PCDH11Y: variants seen among roughly 807,000 people sequenced by gnomAD.
PCDH11Y encodes protocadherin-11 Y-linked.
For synonymous variants in PCDH11Y, 9 were observed against 83.6 expected (o/e 0.11, Z 4.87); for missense variants, 12 against 224.8 (o/e 0.05, Z 6.05).
chrY:5,675,264 A>G, intron 4 of PCDH11Y, among the ~76,000 whole-genome samples: 1 of 33,695 alleles, frequency 3.0e-5, no homozygotes. Context: ...AGAACTCACT[A>G]TCATGAGAAC....
intron 3 of PCDH11Y, among the ~76,000 whole-genome samples, chrY:5,569,778 T>A: frequency 3.0e-5 from 1 of 33,371 alleles, no homozygotes; most frequent in Non-Finnish European, 7.4e-5. Context: ...AATATTAATA[T>A]GTGTATTTGA....
intron 2 of PCDH11Y, chrY:5,338,376 A>T: frequency 2.6e-6 from 1 of 387,429 alleles, no homozygotes; most frequent in Non-Finnish European, 3.6e-6. Context: ...AATATGTCAT[A>T]GATCTGGTCC....
intron 3 of PCDH11Y, among the ~76,000 whole-genome samples, chrY:5,524,746 G>C: frequency 3.1e-5 from 1 of 31,977 alleles, no homozygotes; most frequent in Non-Finnish European, 7.6e-5. Flanking sequence ...ACAGGCCCCT[G>C]TGTGAGATGT....
intron 2 of PCDH11Y, among the ~76,000 whole-genome samples, chrY:5,154,196 G>C: frequency 3.2e-5 from 1 of 31,644 alleles, no homozygotes; most frequent in Non-Finnish European, 7.7e-5. Context: ...ACAAGCAGTA[G>C]CACATTTAGG....
At chrY:5,187,659 T>A in intron 2 of PCDH11Y, among the ~76,000 whole-genome samples, 1 of 31,842 alleles carries the variant, frequency 3.1e-5, no homozygotes, top group African/African-American at 1.2e-4. Flanking sequence ...TTTTTCCCCC[T>A]AAGCCTCTAG....
At chrY:5,102,364 A>C, downstream of PCDH11Y, among the ~76,000 whole-genome samples, 1 of 31,401 alleles carries the variant, frequency 3.2e-5, no homozygotes, top group Non-Finnish European at 7.8e-5. Flanking sequence ...TTTTATGACT[A>C]ACACTACATG....
At chrY:5,196,426 G>C in intron 2 of PCDH11Y, among the ~76,000 whole-genome samples, 1 of 33,211 alleles carries the variant, frequency 3.0e-5, no homozygotes, top group Non-Finnish European at 7.4e-5. Context: ...TACCTGAAAT[G>C]GTGGTTGCCA....
chrY:5,158,114 T>C, intron 2 of PCDH11Y, among the ~76,000 whole-genome samples: 2 of 31,533 alleles, frequency 6.3e-5, no homozygotes, highest in Non-Finnish European at 1.5e-4. Flanking sequence ...TGGAAATAGT[T>C]TAAATTAGAT....
intron 3 of PCDH11Y, among the ~76,000 whole-genome samples, chrY:5,508,701 C>G: frequency 6.1e-5 from 2 of 32,824 alleles, no homozygotes; most frequent in Non-Finnish European, 1.5e-4. Flanking sequence ...ATTCATGAAA[C>G]CTTTTCAGCA....
intron 4 of PCDH11Y, among the ~76,000 whole-genome samples, chrY:5,674,101 T>G: frequency 6.1e-5 from 2 of 33,003 alleles, no homozygotes; most frequent in African/African-American, 2.4e-4. Context: ...CACCAAACTT[T>G]CCATACTGTC....
chrY:5,150,519 C>A (rs2124643475), intron 2 of PCDH11Y, among the ~76,000 whole-genome samples: 2 of 32,814 alleles, frequency 6.1e-5, no homozygotes, highest in African/African-American at 2.4e-4. Flanking sequence ...ATGAGATCAA[C>A]TTTTTTAGCT....
intron 2 of PCDH11Y, among the ~76,000 whole-genome samples, chrY:5,412,621 G>C: frequency 3.0e-5 from 1 of 33,112 alleles, no homozygotes; most frequent in Non-Finnish European, 7.4e-5. Context: ...GCCTAGTTTG[G>C]TGAGTGTTTC....
intron 2 of PCDH11Y, among the ~76,000 whole-genome samples, chrY:5,241,028 G>C: frequency 3.3e-5 from 1 of 30,616 alleles, no homozygotes; most frequent in African/African-American, 1.3e-4. Context: ...AATTATCTTA[G>C]CTAGATCTTC....
At chrY:5,424,344 G>GT (rs2053261071) in intron 2 of PCDH11Y, among the ~76,000 whole-genome samples, 1 of 32,894 alleles carries the variant, frequency 3.0e-5, no homozygotes, top group Non-Finnish European at 7.5e-5. Flanking sequence ...TCTTCCTCGG[G>GT]TTTTTTTGCT....
At chrY:5,654,725 A>C in intron 4 of PCDH11Y, among the ~76,000 whole-genome samples, 1 of 32,788 alleles carries the variant, frequency 3.0e-5, no homozygotes, top group Non-Finnish European at 7.5e-5. Context: ...ACCGGGGCAT[A>C]TGGGAAGGTA....
intron 3 of PCDH11Y, among the ~76,000 whole-genome samples, chrY:5,532,230 A>G (rs2124691624): frequency 3.7e-5 from 1 of 27,008 alleles, no homozygotes; most frequent in East Asian, 9.6e-4. Flanking sequence ...ATATATATGT[A>G]GGATTGTTAA....
chrY:5,383,892 C>T, intron 2 of PCDH11Y, among the ~76,000 whole-genome samples: 1 of 33,460 alleles, frequency 3.0e-5, no homozygotes, highest in Admixed American at 2.7e-4. Context: ...GCTGGGATTA[C>T]AGGCGTGAGC....
chrY:5,604,792 T>C, intron 4 of PCDH11Y, among the ~76,000 whole-genome samples: 1 of 32,401 alleles, frequency 3.1e-5, no homozygotes, highest in South Asian at 6.9e-4. Context: ...ATATTAACTA[T>C]AGACCTCATG....
intron 4 of PCDH11Y, among the ~76,000 whole-genome samples, chrY:5,680,812 TA>T (rs2053557680): frequency 3.2e-5 from 1 of 30,987 alleles, no homozygotes; most frequent in Admixed American, 3.0e-4. Flanking sequence ...CAAAAATAAT[TA>T]AAAAAAACAA....
Sources: allele counts gnomAD v4.1 joint callset (sites outside exome capture counted in the v4.1 genomes callset), GRCh38; gene constraint gnomAD v4.1.1; transcripts MANE v1.5; gene names NCBI Gene and HGNC (gene_info 2026-07-23, HGNC 2026-07-21).